The following UPF2 variants were observed in gnomAD, a reference collection of about 807,000 sequenced individuals.
UPF2 encodes regulator of nonsense transcripts 2.
A neutral mutation model predicts 141.4 loss-of-function variants in UPF2; 17 were observed. That is an observed-to-expected ratio of 0.12 (90% confidence interval 0.08 to 0.18). UPF2 has a LOEUF of 0.18. Ranked by LOEUF, UPF2 falls within the 10% of genes least tolerant of loss-of-function variation. UPF2 has a pLI of 1.00. For synonymous variants in UPF2, 540 were observed against 498.0 expected, an observed-to-expected ratio of 1.08 and a Z score of -1.12; for missense variants, 1,152 against 1,515.9, an observed-to-expected ratio of 0.76 and a Z score of 3.99.
chr10:11,968,673 C>T (rs189657416), intron 9 of UPF2, among the ~76,000 whole-genome samples: 41 of 152,246 alleles, frequency 2.7e-4, no homozygotes, highest in African/African-American at 8.7e-4. Context: ...TAATTAGGCA[C>T]AAATTTCAAG....
rs1341579671 is a variant in UPF2, at chr10:11,936,771, A to G, written c.3379-59T>C. 6.8e-6 allele frequency: 10 copies of G among 1,463,680 alleles called. No homozygotes were observed. In the East Asian group the frequency reaches 2.4e-4, roughly 36 times the overall value. The allele number at this position is 1,463,680 out of a possible 1,614,324, so 90.7% of individuals were successfully genotyped here. On this transcript the variant is annotated intron_variant, in intron 18 of 21. Transcript: ENST00000357604. This position sits in a 1 kb window ranked among gnomAD's most constrained non-coding sequence, Gnocchi z 6.6. ...CCAAGATATATACGGATATATGTCA[A>G]TATAAATTGCAAACTCATTCAATGC... is the stretch of plus-strand genomic sequence containing the variant.
At chr10:11,967,702 A>G (rs1024476436) in intron 9 of UPF2, among the ~76,000 whole-genome samples, 1 of 150,852 alleles carries the variant, frequency 6.6e-6, no homozygotes, top group African/African-American at 2.4e-5. Context: ...GGCGCCCACC[A>G]CCACACCCAG....
At chr10:11,960,460 C>T (rs1833221758) in intron 11 of UPF2, among the ~76,000 whole-genome samples, 4 of 152,022 alleles carry the variant, frequency 2.6e-5, no homozygotes, top group South Asian at 2.1e-4. Context: ...CCCAGCTACT[C>T]GGGAAGCTGA....
intron 3 of UPF2, among the ~76,000 whole-genome samples, chr10:12,020,832 C>T (rs1340793522): frequency 6.6e-6 from 1 of 152,210 alleles, no homozygotes; most frequent in Non-Finnish European, 1.5e-5. Flanking sequence ...GCTCTAGCTC[C>T]AGAGTCCACG....
intron 2 of UPF2, among the ~76,000 whole-genome samples, chr10:12,033,845 G>A (rs771152081): frequency 5.2e-4 from 79 of 151,988 alleles, no homozygotes; most frequent in African/African-American, 1.7e-3. Flanking sequence ...CACCATGCCC[G>A]GCCTAATAAG....
chr10:11,951,253 G>T (rs1430172868), intron 15 of UPF2, among the ~76,000 whole-genome samples: 2 of 151,848 alleles, frequency 1.3e-5, no homozygotes, highest in African/African-American at 4.8e-5. Context: ...AGTAGAGATG[G>T]GGTTTTGCCA....
chr10:12,032,503 A>G (rs774278326), intron 2 of UPF2, among the ~76,000 whole-genome samples: 28 of 151,774 alleles, frequency 1.8e-4, no homozygotes, highest in Admixed American at 2.6e-4. Context: ...ATTTTTGCAT[A>G]TATCTGAAAT....
At position 11,939,951 on chromosome 10, in the gene UPF2, G is replaced by A. The variant is rs1832916922; in HGVS notation, c.3378+2714C>T. 6.6e-6 allele frequency among the ~76,000 whole-genome samples: 1 copy of A among 151,904 alleles called. No homozygotes were observed. The highest frequency in any genetic ancestry group is 2.4e-5 in the African/African-American group (1 of 41,346). On this transcript the variant is annotated intron_variant, in intron 18 of 21. Coordinates refer to ENST00000357604, the MANE Select transcript of UPF2 (RefSeq NM_015542.4). The surrounding 1 kb of genome is among the most constrained non-coding windows in gnomAD (Gnocchi z 4.8). ...ATCTCCCTGCTCTTCTCTTTCCCTT[G>A]GAAAAACAAAACAAAACATCTTCCT...
intron 8 of UPF2, among the ~76,000 whole-genome samples, chr10:11,986,699 C>A (rs1482648020): frequency 6.6e-6 from 1 of 152,136 alleles, no homozygotes; most frequent in Non-Finnish European, 1.5e-5. Context: ...ATATAATAAG[C>A]AAAAGACTGG....
chr10:11,988,885 A>C (rs1410805847), intron 8 of UPF2, among the ~76,000 whole-genome samples: 1 of 152,198 alleles, frequency 6.6e-6, no homozygotes, highest in Non-Finnish European at 1.5e-5. Context: ...AGCTGTGTGA[A>C]TATATGGGGT....
chr10:11,997,864 G>T, intron 7 of UPF2, 107 bp from the exon 8 acceptor site: 3 of 1,147,662 alleles, frequency 2.6e-6, no homozygotes, highest in South Asian at 1.4e-5. Flanking sequence ...ATTTCAAAAT[G>T]GTTTTAAGAA....
At chr10:12,018,277 A>G (rs916054506) in intron 3 of UPF2, among the ~76,000 whole-genome samples, 1 of 152,144 alleles carries the variant, frequency 6.6e-6, no homozygotes, top group African/African-American at 2.4e-5. Context: ...GTGAAACTCC[A>G]TCTTTACAAA....
intron 9 of UPF2, among the ~76,000 whole-genome samples, chr10:11,969,129 T>A (rs2062981): frequency 0.083 from 12,659 of 152,046 alleles, 729 homozygotes; most frequent in East Asian, 0.25. Context: ...CCCAAAATGC[T>A]GGGATTACAG....
In UPF2 at chr10:11,938,842, G is replaced by GTTTTTTTT. The variant is rs1204744093; in HGVS notation, c.3379-2138_3379-2131dup. On this transcript the variant is annotated intron_variant, in intron 18 of 21. Coordinates refer to ENST00000357604, the MANE Select transcript of UPF2 (RefSeq NM_015542.4). Reference sequence around the variant, plus strand: ...GTCCTAGCCATGTGGTCTTAAGCAAGTTTTTTTTTTGTTTTTTTTTTTTTT... The same window carrying GTTTTTTTT: ...GTCCTAGCCATGTGGTCTTAAGCAAGTTTTTTTTTTTTTTTTTTGTTTTTTTTTTTTTT... Among the ~76,000 whole-genome samples the GTTTTTTTT allele has an allele frequency of 1.4e-3, 62 of 45,852 alleles. 5 individuals carry two copies. Among genetic ancestry groups the GTTTTTTTT allele is most frequent in the African/African-American group, 2.6e-3 (37 of 14,236 alleles). The allele number at this position is 45,852 out of a possible 152,430, so 30.1% of individuals were successfully genotyped here.
At chr10:12,030,549 T>A (rs1441677441) in intron 2 of UPF2, among the ~76,000 whole-genome samples, 68 of 149,978 alleles carry the variant, frequency 4.5e-4, no homozygotes, top group East Asian at 5.9e-4. Context: ...CAAAAAATAA[T>A]AATAATAATA....
chr10:12,020,490 A>T (rs2131294953), intron 3 of UPF2, among the ~76,000 whole-genome samples: 1 of 152,324 alleles, frequency 6.6e-6, no homozygotes, highest in African/African-American at 2.4e-5. Context: ...ACCTCAGGTG[A>T]TCCGCCAGCC....
chr10:11,964,720 G>A (rs898237587), intron 10 of UPF2, among the ~76,000 whole-genome samples: 1 of 152,118 alleles, frequency 6.6e-6, no homozygotes, highest in Non-Finnish European at 1.5e-5. Context: ...ATATGAACGA[G>A]ATTAAAACTT....
chr10:11,948,271 CCAGG>C, intron 16 of UPF2, 94 bp downstream of exon 16: 1 of 650,120 alleles, frequency 1.5e-6, no homozygotes, highest in Non-Finnish European at 2.2e-6. Flanking sequence ...AAAAAAAAAA[CCAGG>C]AGGAGGTCTT....
At chr10:11,977,337 G>A (rs560278551) in intron 9 of UPF2, among the ~76,000 whole-genome samples, 1 of 152,288 alleles carries the variant, frequency 6.6e-6, no homozygotes, top group South Asian at 2.1e-4. Flanking sequence ...GAAGTAGAAG[G>A]TGATCAAGTT....
Sources: gnomAD v4.1 joint callset for allele counts (sites outside exome capture counted in the v4.1 genomes callset) on GRCh38, gnomAD v4.1.1 for gene constraint, Gnocchi (gnomAD v3.1) non-coding constraint, MANE v1.5 for transcripts, NCBI Gene and HGNC (gene_info 2026-07-23, HGNC 2026-07-21) for gene names.